AQP12A: variants seen among roughly 807,000 people sequenced by gnomAD.
The protein encoded by AQP12A is putative aquaporin-12A.
In AQP12A, 11 loss-of-function variants were observed where a neutral mutation model predicts 12.2. That is an observed-to-expected ratio of 0.90 (90% CI 0.57 to 1.49). The LOEUF (loss-of-function observed/expected upper bound fraction) is 1.49. AQP12A is among the 40% of genes most tolerant of loss of function. The pLI is 0.00. For missense variants in AQP12A, 203 were observed against 260.8 expected, an observed-to-expected ratio of 0.78 and a Z score of 1.53; for synonymous variants, 101 against 127.1, an observed-to-expected ratio of 0.79 and a Z score of 1.38.
chr2:240,691,897 T>G lies in AQP12A; in HGVS notation c.-17T>G. The G allele has an allele frequency of 6.3e-7, 1 of 1,590,178 alleles. No individual in the cohort carries two copies. Among genetic ancestry groups the G allele is most frequent in the Non-Finnish European group, 8.5e-7 (1 of 1,170,324 alleles). ...TCAGGTGTCCTGCAGGCACAGCTCC[T>G]CGGGGGGCCCAGGCCGATGGCAGGT... is the stretch of plus-strand genomic sequence containing the variant. On this transcript the variant is annotated 5_prime_UTR_variant, in exon 1 of 4. Transcript: ENST00000337801.
rs767350316 is a variant in AQP12A at position 240,692,160 on chromosome 2, G to A, written c.210G>A (p.Ala70=). 3.0e-5 allele frequency: 48 copies of A among 1,576,908 alleles called. 3 individuals carry two copies. The highest frequency in any genetic ancestry group is 1.8e-4 in the Middle Eastern group (1 of 5,652). ...LLTLLFLLFL[A]HGVTLDGASA... is the part of the protein sequence containing the mutation. ...CCCTGCTCTTCCTGCTCTTCCTGGC[G>A]CACGGGGTCACCTTGGACGGGGCCT... Residue 70 remains alanine (A), a synonymous_variant, in exon 2 of 4, where the codon GCG becomes GCA. Transcript: ENST00000337801.
intron 3 of AQP12A, among the ~76,000 whole-genome samples, chr2:240,696,477 T>TC (rs1208801242): frequency 7.8e-6 from 1 of 128,020 alleles, no homozygotes; most frequent in East Asian, 2.6e-4. Context: ...GTCTGCCGGT[T>TC]CCCCTGGCCG....
In AQP12A at chr2:240,692,166, G is replaced by T. The variant is rs1403408692; in HGVS notation, c.216G>T (p.Gly72=). Residue 72 remains glycine, a synonymous_variant, in exon 2 of 4, where the codon GGG becomes GGT. Transcript: ENST00000337801. ...TLLFLLFLAH[G]VTLDGASANP... ...TCTTCCTGCTCTTCCTGGCGCACGG[G>T]GTCACCTTGGACGGGGCCTCGGCCA... The T allele has an allele frequency of 3.2e-6, 5 of 1,583,540 alleles. 1 individual carries two copies. The Admixed American group carries it at 7.6e-5, about 24-fold the overall frequency.
chr2:240,693,320 A>C (rs2044088234), intron 2 of AQP12A, among the ~76,000 whole-genome samples: 1 of 152,284 alleles, frequency 6.6e-6, no homozygotes, highest in Non-Finnish European at 1.5e-5. Context: ...CTGGGCAGAC[A>C]CCACGGAATC....
In AQP12A at chr2:240,695,396, AC is replaced by A. The variant is rs2125521761; in HGVS notation, c.688+849del. 7.0e-6 allele frequency: 2 copies of A among 285,714 alleles called. 1 individual carries two copies. The highest frequency in any genetic ancestry group is 4.6e-5 in the South Asian group (2 of 43,640). 17.7% of individuals were successfully genotyped at this position (285,714 alleles called of 1,614,324 possible). The stretch of plus-strand genomic sequence containing the variant: ...GACAGGAGCTGGGGGTCTCTCAGGC[AC>A]CTGGCCCTGCGATGGTGACACTGAC... On this transcript the variant is annotated intron_variant, in intron 3 of 3. Coordinates refer to ENST00000337801, the MANE Select transcript of AQP12A (RefSeq NM_198998.3).
intron 2 of AQP12A, among the ~76,000 whole-genome samples, chr2:240,693,884 T>C (rs2044095238): frequency 1.6e-5 from 1 of 62,210 alleles, no homozygotes; most frequent in Non-Finnish European, 2.9e-5. Flanking sequence ...CTCTCCTCTC[T>C]CTCTGTCTCC....
At position 240,692,230 on chromosome 2, in the gene AQP12A, C is replaced by G. The variant is rs150513749; in HGVS notation, c.280C>G (p.Gln94Glu). ...CCTGCAGGAGTTCCTCATGGCCGAG[C>G]AGTCTCTGCCTGGCACGCTGTTGAA... is the stretch of plus-strand genomic sequence containing the variant. ...VSLQEFLMAE[Q>E]SLPGTLLKLA... The change falls in exon 2 of 4, where the codon CAG (glutamine) becomes GAG (glutamate). Residue 94 changes from glutamine (Q) to glutamate (E), a missense_variant. Around this residue, in one of 2 missense-constraint regions of AQP12A, gnomAD observed 191 missense variants for 197.1 expected, o/e 0.97. Transcript: ENST00000337801. 2,983 of 1,568,652 alleles carry G rather than the reference C, an allele frequency of 1.9e-3. 721 individuals are homozygous for G. In the African/African-American group the frequency reaches 0.027, roughly 14 times the overall value.
intron 2 of AQP12A, among the ~76,000 whole-genome samples, chr2:240,693,766 G>C (rs1297744151): frequency 6.6e-6 from 1 of 152,030 alleles, no homozygotes; most frequent in Non-Finnish European, 1.5e-5. Flanking sequence ...CTCCTCTGCT[G>C]CTGCTCGTTT....
rs778744874 is a variant in AQP12A, at chr2:240,691,934, C to T, written c.21C>T (p.Ser7=). 4 of 1,596,108 alleles carry T rather than the reference C, an allele frequency of 2.5e-6. No homozygotes were observed. Among genetic ancestry groups the T allele is most frequent in the South Asian group, 1.1e-5 (1 of 89,262 alleles). Residue 7 remains serine (S), a synonymous_variant, in exon 1 of 4, where the codon TCC becomes TCT. Transcript: ENST00000337801. ...GGCCGATGGCAGGTCTTAACGTGTC[C>T]CTCTCCTTCTTCTTTGCCACCTTCG... MAGLNV[S]LSFFFATFAL...
At chr2:240,693,401 C>T (rs1442921000) in intron 2 of AQP12A, among the ~76,000 whole-genome samples, 10 of 152,412 alleles carry the variant, frequency 6.6e-5, no homozygotes, top group African/African-American at 1.7e-4. Context: ...CACGGGTGAG[C>T]GGGAGCTCTG....
Position 240,692,135 on chromosome 2 carries a change from C to G in AQP12A, c.185C>G (p.Thr62Ser), listed in dbSNP as rs201804366. The change falls in exon 2 of 4, where the codon ACC (threonine) becomes AGC (serine). Residue 62 changes from threonine to serine, a missense_variant. Thr to Ser is a moderately conservative substitution (Grantham distance 58). This residue lies in a region of AQP12A where 191 missense variants were observed against 197.1 expected (regional missense o/e 0.97). Coordinates refer to ENST00000337801, the MANE Select transcript of AQP12A (RefSeq NM_198998.3). ...GACTTTGGGCCTGACCTGCTGCTCA[C>G]CCTGCTCTTCCTGCTCTTCCTGGCG... ...AGDFGPDLLLTLLFLLFLAHG... is the reference protein window; with the variant it reads ...AGDFGPDLLLSLLFLLFLAHG... The G allele has an allele frequency of 1.2e-5, 19 of 1,583,748 alleles. 2 individuals are homozygous for G. The highest frequency in any genetic ancestry group is 4.5e-5 in the South Asian group (4 of 88,704).
rs767350316 is a variant in AQP12A, at chr2:240,692,160, G to T, written c.210G>T (p.Ala70=). 3.2e-6 allele frequency: 5 copies of T among 1,575,384 alleles called. 1 individual carries two copies. The highest frequency in any genetic ancestry group is 4.3e-6 in the Non-Finnish European group (5 of 1,163,198). Residue 70 remains alanine, a synonymous_variant, in exon 2 of 4, where the codon GCG becomes GCT. Coordinates refer to ENST00000337801, the MANE Select transcript of AQP12A (RefSeq NM_198998.3). ...CCCTGCTCTTCCTGCTCTTCCTGGC[G>T]CACGGGGTCACCTTGGACGGGGCCT... ...LLTLLFLLFL[A]HGVTLDGASA...
In AQP12A at chr2:240,692,014, A is replaced by G. The variant is rs2044069676; in HGVS notation, c.101A>G (p.Tyr34Cys). The change falls in exon 1 of 4, where the codon TAT (tyrosine) becomes TGT (cysteine). Residue 34 changes from tyrosine to cysteine, a missense_variant. Coordinates refer to ENST00000337801, the MANE Select transcript of AQP12A (RefSeq NM_198998.3). ...AAGGCCCTGCTCCCAGTGGGCGCCT[A>G]TGAAGTCTTCGCCCGGGAGGCGGTG... ...ASKALLPVGA[Y>C]EVFAREAMRT... 4 of 1,586,890 alleles carry G rather than the reference A, an allele frequency of 2.5e-6. No homozygotes were observed. Among genetic ancestry groups the G allele is most frequent in the Non-Finnish European group, 3.4e-6 (4 of 1,168,736 alleles).
chr2:240,693,381 G>A (rs1459768199), intron 2 of AQP12A, among the ~76,000 whole-genome samples: 1 of 152,306 alleles, frequency 6.6e-6, no homozygotes, highest in South Asian at 2.1e-4. Flanking sequence ...TACAGATGGG[G>A]AAACTGAGGC....
In AQP12A at chr2:240,692,263, G is replaced by A. The variant is rs548093882; in HGVS notation, c.313G>A (p.Ala105Thr). 2 of 1,578,770 alleles carry A rather than the reference G, an allele frequency of 1.3e-6. 1 individual carries two copies. The highest frequency in any genetic ancestry group is 2.3e-5 in the South Asian group (2 of 88,146). ...GCCTGGCACGCTGTTGAAGCTGGCG[G>A]CACAGGGGCTGGGCATGCAGGCCGC... ...SLPGTLLKLAAQGLGMQAACT... is the reference protein window; with the variant it reads ...SLPGTLLKLATQGLGMQAACT... Residue 105 changes from alanine to threonine, a missense_variant, in exon 2 of 4, where the codon GCA becomes ACA. By Grantham distance (58) the Ala-to-Thr change is moderately conservative (BLOSUM62 0). Transcript: ENST00000337801.
chr2:240,691,974 G>A lies in AQP12A; in HGVS notation c.61G>A (p.Ala21Thr). ...FFATFALCEA[A>T]RRASKALLPV... ...TGCCACCTTCGCCCTCTGTGAGGCGGCCAGGCGGGCCTCCAAGGCCCTGCT... is the reference window on the plus strand; with the variant it reads ...TGCCACCTTCGCCCTCTGTGAGGCGACCAGGCGGGCCTCCAAGGCCCTGCT... The change falls in exon 1 of 4, where the codon GCC (alanine) becomes ACC (threonine). Residue 21 changes from alanine to threonine, a missense_variant. Ala to Thr is a moderately conservative substitution (Grantham distance 58, BLOSUM62 0). Around this residue, in one of 2 missense-constraint regions of AQP12A, gnomAD observed 191 missense variants for 197.1 expected, o/e 0.97. Transcript: ENST00000337801. The A allele has an allele frequency of 6.3e-7, 1 of 1,588,714 alleles. No homozygotes were observed. Among genetic ancestry groups the A allele is most frequent in the East Asian group, 2.4e-5 (1 of 42,488 alleles).
chr2:240,692,462 G>T lies in AQP12A; in HGVS notation c.512G>T (p.Ser171Ile). Residue 171 changes from serine to isoleucine, a missense_variant, in exon 2 of 4, where the codon AGT (serine) becomes ATT (isoleucine). By Grantham distance (142) the Ser-to-Ile change is moderately radical. Around this residue, in one of 2 missense-constraint regions of AQP12A, gnomAD observed 12 missense variants for 63.8 expected, o/e 0.19. Transcript: ENST00000337801. ...CTGACCCTCCTGCACCTGCGGCACA[G>T]TCCTCCCGCCTACAGCGGGCCCGCT... Reference protein sequence around the residue: ...FHLTLLHLRHSPPAYSGPAVA... With the variant: ...FHLTLLHLRHIPPAYSGPAVA... 1.3e-6 allele frequency: 2 copies of T among 1,507,460 alleles called. No individual in the cohort carries two copies. The highest frequency in any genetic ancestry group is 1.2e-5 in the South Asian group (1 of 81,308). 93.4% of individuals were successfully genotyped at this position (1,507,460 alleles called of 1,614,324 possible). A position where few individuals can be genotyped will look rare whatever the true frequency, so the allele number is the denominator to read the frequency against.
At position 240,691,871 on chromosome 2, in the gene AQP12A, C is replaced by T; in HGVS notation, c.-43C>T. On this transcript the variant is annotated 5_prime_UTR_variant, in exon 1 of 4. Transcript: ENST00000337801. ...AACCAGCCAGCTCCTGCTCTGTCCCCTCAGGTGTCCTGCAGGCACAGCTCC... is the reference window on the plus strand; with the variant it reads ...AACCAGCCAGCTCCTGCTCTGTCCCTTCAGGTGTCCTGCAGGCACAGCTCC... The T allele has an allele frequency of 1.3e-6, 2 of 1,587,044 alleles. No individual in the cohort carries two copies. The highest frequency in any genetic ancestry group is 1.8e-4 in the Middle Eastern group (1 of 5,678).
Position 240,691,980 on chromosome 2 carries a change from C to A in AQP12A, c.67C>A (p.Arg23=). 2 of 1,588,636 alleles carry A rather than the reference C, an allele frequency of 1.3e-6. No individual in the cohort carries two copies. Among genetic ancestry groups the A allele is most frequent in the Non-Finnish European group, 1.7e-6 (2 of 1,168,878 alleles). Residue 23 remains arginine, a synonymous_variant, in exon 1 of 4, where the codon CGG becomes AGG. Transcript: ENST00000337801. ...CTTCGCCCTCTGTGAGGCGGCCAGGCGGGCCTCCAAGGCCCTGCTCCCAGT... is the reference window on the plus strand; with the variant it reads ...CTTCGCCCTCTGTGAGGCGGCCAGGAGGGCCTCCAAGGCCCTGCTCCCAGT... ...ATFALCEAAR[R]ASKALLPVGA...
Sources: allele counts gnomAD v4.1 joint callset (sites outside exome capture counted in the v4.1 genomes callset), GRCh38; gene constraint gnomAD v4.1.1; regional missense constraint gnomAD v4.1.1; transcripts MANE v1.5; gene names NCBI Gene and HGNC (gene_info 2026-07-23, HGNC 2026-07-21).